The following ASB5 variants were observed in gnomAD, a reference collection of about 807,000 sequenced individuals.
ASB5 encodes the protein ankyrin repeat and SOCS box containing 5.
ASB5 carries 45 observed loss-of-function variants against 42.1 expected under a neutral mutation model. That is an observed-to-expected ratio of 1.07 (90% CI 0.84 to 1.37). The LOEUF (loss-of-function observed/expected upper bound fraction) is 1.37. Ranked by LOEUF, ASB5 falls within the 40% of genes most tolerant of loss-of-function variation. ASB5 has a pLI of 0.00. For synonymous variants in ASB5, 147 were observed against 150.6 expected, an observed-to-expected ratio of 0.98 and a Z score of 0.18; for missense variants, 402 against 399.8, an observed-to-expected ratio of 1.01 and a Z score of -0.05.
chr4:176,243,147 G>C (rs1019819045), intron 1 of ASB5, among the ~76,000 whole-genome samples: 1 of 152,016 alleles, frequency 6.6e-6, no homozygotes, highest in Admixed American at 6.6e-5. Flanking sequence ...CCAACCTCTG[G>C]ACTTTATAAT....
At chr4:176,246,651 T>C (rs1054513768) in intron 1 of ASB5, among the ~76,000 whole-genome samples, 13 of 152,230 alleles carry the variant, frequency 8.5e-5, no homozygotes, top group African/African-American at 3.1e-4. Context: ...ACTGAATGTC[T>C]AGATGTGTAC....
At chr4:176,249,915 A>T (rs1443404527) in intron 1 of ASB5, among the ~76,000 whole-genome samples, 1 of 151,342 alleles carries the variant, frequency 6.6e-6, no homozygotes, top group South Asian at 2.1e-4. Flanking sequence ...AACACAAAAA[A>T]TTAGCCGGGC....
intron 1 of ASB5, among the ~76,000 whole-genome samples, chr4:176,235,125 G>T (rs1753653414): frequency 1.3e-5 from 2 of 152,088 alleles, no homozygotes; most frequent in Non-Finnish European, 2.9e-5. Flanking sequence ...CATAATAAAT[G>T]TAACTAACAG....
intron 1 of ASB5, among the ~76,000 whole-genome samples, chr4:176,227,712 T>C (rs1753418410): frequency 1.3e-5 from 2 of 152,174 alleles, no homozygotes; most frequent in Non-Finnish European, 2.9e-5. Flanking sequence ...GGGGTGGATG[T>C]AAAATTCAAA....
intron 1 of ASB5, chr4:176,237,550 G>C (rs983038897): frequency 3.8e-5 from 37 of 985,530 alleles, no homozygotes; most frequent in Non-Finnish European, 4.2e-5. Context: ...GTTCCTGTGT[G>C]CTAACTTGAG....
rs774826217 is a variant in ASB5, at chr4:176,216,928, A to C, written c.752T>G (p.Leu251Ter). 6.2e-7 allele frequency: 1 copy of C among 1,614,058 alleles called. No homozygotes were observed. The highest frequency in any genetic ancestry group is 2.2e-5 in the East Asian group (1 of 44,858). ...AQQSSTEIVN[L>*]LLEFGADINA... ...GATATCTGCTCCAAATTCTAGCAGT[A>C]AGTTTACAATTTCTGTGCTGGATTG... The change falls in exon 6 of 7, where the codon TTA (leucine) becomes TGA (stop). Residue 251 changes from leucine to a stop codon, truncating the protein, a stop_gained. Transcript: ENST00000296525. LOFTEE classifies it high-confidence loss of function.
At chr4:176,238,093 G>C (rs1350853113) in intron 1 of ASB5, among the ~76,000 whole-genome samples, 2 of 151,864 alleles carry the variant, frequency 1.3e-5, no homozygotes, top group African/African-American at 2.4e-5. Context: ...ATAGGGACGG[G>C]GCGCCTGTAG....
At chr4:176,230,495 T>G (rs1054019751) in intron 1 of ASB5, among the ~76,000 whole-genome samples, 1 of 152,318 alleles carries the variant, frequency 6.6e-6, no homozygotes, top group African/African-American at 2.4e-5. Context: ...AAGAATCTTT[T>G]TATTTGTTTT....
intron 1 of ASB5, among the ~76,000 whole-genome samples, chr4:176,252,985 G>A (rs1754072508): frequency 6.6e-6 from 1 of 152,136 alleles, no homozygotes; most frequent in Non-Finnish European, 1.5e-5. Flanking sequence ...AAAATATAAT[G>A]TATTAGCATT....
chr4:176,270,472 A>G (rs1312969357), upstream of ASB5, among the ~76,000 whole-genome samples: 1 of 152,152 alleles, frequency 6.6e-6, no homozygotes, highest in Non-Finnish European at 1.5e-5. Flanking sequence ...CTGTAAAATA[A>G]ATATGTCAAA....
In ASB5 at chr4:176,224,142, C is replaced by T. The variant is rs182859351; in HGVS notation, c.276+1120G>A. Among the ~76,000 whole-genome samples, 60 of 150,810 alleles carry T rather than the reference C, an allele frequency of 4.0e-4. 1 individual carries two copies. Among genetic ancestry groups the T allele is most frequent in the African/African-American group, 1.3e-3 (53 of 41,112 alleles). On this transcript the variant is annotated intron_variant, in intron 2 of 6. Coordinates refer to ENST00000296525, the MANE Select transcript of ASB5 (RefSeq NM_080874.4). ...TGGGCAACATGACCTTTCCTTTCTT[C>T]GTAGCCATCTGAGAATGTTCTTTCT...
At chr4:176,250,492 A>G (rs933906424) in intron 1 of ASB5, among the ~76,000 whole-genome samples, 6 of 152,232 alleles carry the variant, frequency 3.9e-5, no homozygotes, top group Admixed American at 2.0e-4. Flanking sequence ...TTCCACTCTC[A>G]GCTTTACAAA....
chr4:176,250,134 G>A (rs1754005494), intron 1 of ASB5, among the ~76,000 whole-genome samples: 1 of 152,038 alleles, frequency 6.6e-6, no homozygotes, highest in Non-Finnish European at 1.5e-5. Flanking sequence ...AGGCCACAGG[G>A]AGTGTCCTAA....
At chr4:176,276,443 T>A (rs11736314) in intron 1 of ASB5, among the ~76,000 whole-genome samples, 26,573 of 152,090 alleles carry the variant, frequency 0.17, 3,006 homozygotes, top group Middle Eastern at 0.32. Context: ...TATCCATTTC[T>A]ATAATCAGAA....
chr4:176,246,063 A>C (rs1048560797), intron 1 of ASB5, among the ~76,000 whole-genome samples: 2 of 151,964 alleles, frequency 1.3e-5, no homozygotes, highest in African/African-American at 4.8e-5. Flanking sequence ...AATTACACAG[A>C]TAAAAAAAAA....
chr4:176,276,589 G>A (rs1368644576), intron 1 of ASB5, among the ~76,000 whole-genome samples: 1 of 152,094 alleles, frequency 6.6e-6, no homozygotes, highest in Non-Finnish European at 1.5e-5. Flanking sequence ...CCATAACAAA[G>A]TCACTCAATA....
chr4:176,221,535 G>C lies in ASB5; in HGVS notation c.450C>G (p.Ser150Arg). Residue 150 changes from serine (S) to arginine (R), a missense_variant, in exon 4 of 7, where the codon AGC (serine) becomes AGG (arginine). Transcript: ENST00000296525. ...LFNACSQGSP[S>R]CAELLLEYGA... ...CATACTCCAGAAGCAGCTCTGCACAGCTTGGACTGCCTTGGGAGCATGCGT... is the reference window on the plus strand; with the variant it reads ...CATACTCCAGAAGCAGCTCTGCACACCTTGGACTGCCTTGGGAGCATGCGT... 1 of 1,613,928 alleles carries C rather than the reference G, an allele frequency of 6.2e-7. No individual in the cohort carries two copies. The highest frequency in any genetic ancestry group is 1.1e-5 in the South Asian group (1 of 91,064).
At chr4:176,273,382 G>A (rs543056033), upstream of ASB5, among the ~76,000 whole-genome samples, 4 of 152,056 alleles carry the variant, frequency 2.6e-5, no homozygotes, top group South Asian at 6.2e-4. Context: ...AAGTTGTCAC[G>A]GTAATATATT....
chr4:176,213,976 T>C lies in ASB5; in HGVS notation c.*1624A>G, dbSNP rs371745332. ...TAATATCTGTTTAACCAGGTTATTC[T>C]ATAATAAGAACTCCATTTTAATGCA... On this transcript the variant is annotated 3_prime_UTR_variant, in exon 7 of 7. Coordinates refer to ENST00000296525, the MANE Select transcript of ASB5 (RefSeq NM_080874.4). 11 of 152,286 alleles carry C rather than the reference T, an allele frequency of 7.2e-5. No homozygotes were observed. In the East Asian group the frequency reaches 2.1e-3, roughly 29 times the overall value. The allele number at this position is 152,286 out of a possible 1,614,324, so 9.4% of individuals were successfully genotyped here. A position where few individuals can be genotyped will look rare whatever the true frequency, so the allele number is the denominator to read the frequency against.
Sources: allele counts gnomAD v4.1 joint callset (sites outside exome capture counted in the v4.1 genomes callset), GRCh38; gene constraint gnomAD v4.1.1; transcripts MANE v1.5; gene names NCBI Gene and HGNC (gene_info 2026-07-23, HGNC 2026-07-21).